The following ZMIZ2 variants were observed in gnomAD, a reference collection of about 807,000 sequenced individuals.
The protein encoded by ZMIZ2 is zinc finger MIZ domain-containing protein 2.
ZMIZ2 carries 26 observed loss-of-function variants against 93.9 expected under a neutral mutation model. That is an observed-to-expected ratio of 0.28 (90% CI 0.20 to 0.38). The LOEUF (loss-of-function observed/expected upper bound fraction) is 0.38. Among genes scored for constraint, ZMIZ2 ranks in the 10% least tolerant of loss-of-function variants. The probability of loss-of-function intolerance (pLI) is 1.00; values close to 1 mark genes in which losing one functional copy is unlikely to be tolerated. For missense variants in ZMIZ2, 1,023 were observed against 1,235.0 expected (o/e 0.83, Z 2.57); for synonymous variants, 485 against 516.4 (o/e 0.94, Z 0.82).
Position 44,763,412 on chromosome 7 carries a change from A to G in ZMIZ2, c.1859A>G (p.Gln620Arg). ...PARGHDCRHI[Q>R]CFDLESYLQL... ...CGAGGTCATGACTGTCGCCACATAC[A>G]GGTAGGTGGTTACTGCAGAGTCTTG... Residue 620 changes from glutamine to arginine, a missense_variant and splice_region_variant, in exon 13 of 19, where the codon CAG (glutamine) becomes CGG (arginine). Gln to Arg is a conservative substitution (Grantham distance 43). Transcript: ENST00000309315. The surrounding 1 kb of genome is among the most constrained non-coding windows in gnomAD (Gnocchi z 5.6). 1 of 1,613,884 alleles carries G rather than the reference A, an allele frequency of 6.2e-7. No individual in the cohort carries two copies. The highest frequency in any genetic ancestry group is 8.5e-7 in the Non-Finnish European group (1 of 1,179,920).
In ZMIZ2 at chr7:44,768,004, T is replaced by C; in HGVS notation, c.*381T>C. 1 of 306,536 alleles carries C rather than the reference T, an allele frequency of 3.3e-6. No individual in the cohort carries two copies. The highest frequency in any genetic ancestry group is 6.3e-6 in the Non-Finnish European group (1 of 158,384). 19.0% of individuals were successfully genotyped at this position (306,536 alleles called of 1,614,324 possible). On this transcript the variant is annotated 3_prime_UTR_variant, in exon 19 of 19. Transcript: ENST00000309315. Reference sequence around the variant, plus strand: ...ACCCAGCCTGCTTCTTGTCCAGCATTGATCCTTCTGTTTCAACAACTCCTC... The same window carrying C: ...ACCCAGCCTGCTTCTTGTCCAGCATCGATCCTTCTGTTTCAACAACTCCTC...
chr7:44,755,621 C>T (rs1422082460), intron 1 of ZMIZ2, among the ~76,000 whole-genome samples: 1 of 152,182 alleles, frequency 6.6e-6, no homozygotes, highest in Non-Finnish European at 1.5e-5. Context: ...CCACTGCACT[C>T]CTGTGATCAC....
intron 11 of ZMIZ2, 139 bp downstream of exon 11, chr7:44,762,044 G>T: frequency 2.6e-6 from 3 of 1,152,242 alleles, no homozygotes; most frequent in Non-Finnish European, 3.5e-6. Flanking sequence ...GCCAGGACAT[G>T]GGCGGGCCGG....
At position 44,759,297 on chromosome 7, in the gene ZMIZ2, A is replaced by G; in HGVS notation, c.830A>G (p.Gln277Arg). ...CTTTTTCAGGTGTATCCAGGGCAGC[A>G]GTATCTGCAAGGAGGCCAGTATGCA... ...RTYSEVYPGQ[Q>R]YLQGGQYAPS... Residue 277 changes from glutamine (Q) to arginine (R), a missense_variant, in exon 7 of 19, where the codon CAG becomes CGG. Gln to Arg is a conservative substitution (Grantham distance 43). Coordinates refer to ENST00000309315, the MANE Select transcript of ZMIZ2 (RefSeq NM_031449.4). 7 of 1,561,050 alleles carry G rather than the reference A, an allele frequency of 4.5e-6. No homozygotes were observed. Among genetic ancestry groups the G allele is most frequent in the Non-Finnish European group, 5.2e-6 (6 of 1,154,144 alleles).
intron 9 of ZMIZ2, 88 bp downstream of exon 9, chr7:44,760,681 C>T (rs749930564): frequency 7.3e-4 from 1,094 of 1,501,584 alleles, no homozygotes; most frequent in Non-Finnish European, 9.0e-4. Context: ...CCTGTAGGAG[C>T]TTGGGGGACA....
At position 44,763,560 on chromosome 7, in the gene ZMIZ2, AGGTG is replaced by A; in HGVS notation, c.1860+150_1860+153del. The A allele has an allele frequency of 5.2e-6, 6 of 1,156,412 alleles. No homozygotes were observed. Among genetic ancestry groups the A allele is most frequent in the Non-Finnish European group, 7.2e-6 (6 of 833,522 alleles). 71.6% of individuals were successfully genotyped at this position (1,156,412 alleles called of 1,614,324 possible). ...GACAGGCCTCCCACGCCAAGGAGGC[AGGTG>A]GGCCTGGCTCCCCCAAGACTAGGCT... is the stretch of plus-strand genomic sequence containing the variant. On this transcript the variant is annotated intron_variant, in intron 13 of 18. Transcript: ENST00000309315. The surrounding 1 kb of genome is among the most constrained non-coding windows in gnomAD (Gnocchi z 5.6).
intron 1 of ZMIZ2, among the ~76,000 whole-genome samples, chr7:44,752,490 G>C (rs1476929502): frequency 6.6e-6 from 1 of 152,100 alleles, no homozygotes; most frequent in Non-Finnish European, 1.5e-5. Flanking sequence ...CAAAATTACA[G>C]AAATGGAGAA....
At position 44,768,717 on chromosome 7, in the gene ZMIZ2, C is replaced by T. The variant is rs1791942039; in HGVS notation, c.*1094C>T. 6.6e-6 allele frequency: 1 copy of T among 152,220 alleles called. No homozygotes were observed. The highest frequency in any genetic ancestry group is 6.5e-5 in the Admixed American group (1 of 15,274). The allele number at this position is 152,220 out of a possible 1,614,324, so 9.4% of individuals were successfully genotyped here. Reference sequence around the variant, plus strand: ...GGCCTGGCCGAGTCCCTCCTTTGTGCTCCCAGGGACTATTTTCTCCTCGTA... The same window carrying T: ...GGCCTGGCCGAGTCCCTCCTTTGTGTTCCCAGGGACTATTTTCTCCTCGTA... On this transcript the variant is annotated 3_prime_UTR_variant, in exon 19 of 19. Transcript: ENST00000309315.
chr7:44,759,519 G>T, intron 7 of ZMIZ2, 59 bp downstream of exon 7: 2 of 1,344,068 alleles, frequency 1.5e-6, no homozygotes, highest in Admixed American at 3.3e-5. Flanking sequence ...GTGGGACAGG[G>T]GACCTTGGGG....
rs763967692 is a variant in ZMIZ2, at chr7:44,757,589, A to G, written c.552+28A>G. The G allele has an allele frequency of 1.2e-4, 188 of 1,564,566 alleles. 1 individual carries two copies. Among genetic ancestry groups the G allele is most frequent in the Non-Finnish European group, 1.6e-4 (179 of 1,153,452 alleles). On this transcript the variant is annotated intron_variant, in intron 5 of 18. Transcript: ENST00000309315. ...GAGCCCCCTCAGCAGCTCCTCCCAC[A>G]TGGCAGCCAGCCTGAGGGCCTGGGA...
intron 13 of ZMIZ2, 73 bp from the exon 14 acceptor site, chr7:44,764,346 G>A: frequency 7.0e-7 from 1 of 1,422,714 alleles, no homozygotes; most frequent in African/African-American, 1.4e-5. Context: ...TCCTGAAAAG[G>A]GATTGCAGAG....
At position 44,761,404 on chromosome 7, in the gene ZMIZ2, CT is replaced by C. The variant is rs770852127; in HGVS notation, c.1241-44del. 34 of 1,599,360 alleles carry C rather than the reference CT, an allele frequency of 2.1e-5. No individual in the cohort carries two copies. In the South Asian group the frequency reaches 3.3e-4, roughly 16 times the overall value. ...CCCTCCTTGAGTGACACAAGACGCT[CT>C]GGCTGGGGCAACCCAGCTCACAGCC... is the stretch of plus-strand genomic sequence containing the variant. On this transcript the variant is annotated intron_variant, in intron 9 of 18. Coordinates refer to ENST00000309315, the MANE Select transcript of ZMIZ2 (RefSeq NM_031449.4). The surrounding 1 kb of genome is among the most constrained non-coding windows in gnomAD (Gnocchi z 5.8).
intron 1 of ZMIZ2, chr7:44,750,090 C>T (rs937008853): frequency 2.6e-5 from 4 of 152,140 alleles, no homozygotes; most frequent in Non-Finnish European, 5.9e-5. Flanking sequence ...GAAGGACAGG[C>T]CTAAGATGTT....
At chr7:44,753,821 A>G (rs1790361721) in intron 1 of ZMIZ2, among the ~76,000 whole-genome samples, 1 of 152,160 alleles carries the variant, frequency 6.6e-6, no homozygotes, top group Non-Finnish European at 1.5e-5. Flanking sequence ...TTAAATCTAT[A>G]AACCATTTTG....
At chr7:44,767,029 A>G (rs1791781148) in intron 18 of ZMIZ2, among the ~76,000 whole-genome samples, 1 of 152,212 alleles carries the variant, frequency 6.6e-6, no homozygotes. Flanking sequence ...CATGAAGGAC[A>G]GAACTGACTG....
intron 7 of ZMIZ2, chr7:44,759,789 C>T (rs1790981150): frequency 2.2e-6 from 1 of 455,140 alleles, no homozygotes; most frequent in African/African-American, 2.0e-5. Flanking sequence ...GGAAAAGTGT[C>T]ATTCCTTCTA....
Position 44,766,787 on chromosome 7 carries a change from C to T in ZMIZ2, c.2655+124C>T. 2.8e-6 allele frequency: 4 copies of T among 1,442,986 alleles called. No homozygotes were observed. The highest frequency in any genetic ancestry group is 3.7e-6 in the Non-Finnish European group (4 of 1,077,370). The allele number at this position is 1,442,986 out of a possible 1,614,324, so 89.4% of individuals were successfully genotyped here. On this transcript the variant is annotated intron_variant, in intron 18 of 18. Transcript: ENST00000309315. The surrounding 1 kb of genome is among the most constrained non-coding windows in gnomAD (Gnocchi z 4.4). The stretch of plus-strand genomic sequence containing the variant: ...CAGAGAGCCGGTCAGATAAGGTCAA[C>T]TAAATGCAGCTTTTGTTCATGAATT...
chr7:44,758,741 T>C (rs940025592), intron 6 of ZMIZ2, among the ~76,000 whole-genome samples: 2 of 151,420 alleles, frequency 1.3e-5, no homozygotes, highest in African/African-American at 4.9e-5. Flanking sequence ...TGAAACCCCA[T>C]CTCTAATAAA....
intron 1 of ZMIZ2, among the ~76,000 whole-genome samples, chr7:44,751,369 AG>A (rs1382740981): frequency 6.6e-6 from 1 of 152,260 alleles, no homozygotes; most frequent in Non-Finnish European, 1.5e-5. Flanking sequence ...GGGGCTGGGC[AG>A]CCTGTCATCA....
Sources: allele counts gnomAD v4.1 joint callset (sites outside exome capture counted in the v4.1 genomes callset), GRCh38; gene constraint gnomAD v4.1.1; non-coding constraint Gnocchi (gnomAD v3.1); transcripts MANE v1.5; gene names NCBI Gene and HGNC (gene_info 2026-07-23, HGNC 2026-07-21).